Variants in NRG1 observed in about 807,000 individuals in gnomAD.
The protein encoded by NRG1 is pro-neuregulin-1, membrane-bound isoform.
NRG1 carries 18 observed loss-of-function variants against 63.8 expected under a neutral mutation model. The ratio of observed to expected loss-of-function variants is 0.28; its 90% CI spans 0.19 to 0.42. The LOEUF (loss-of-function observed/expected upper bound fraction) is 0.42. Ranked by LOEUF, NRG1 falls within the 10% of genes least tolerant of loss-of-function variation. The pLI is 1.00. For missense variants in NRG1, 762 were observed against 814.7 expected (o/e 0.94, Z 0.79); for synonymous variants, 302 against 301.3 (o/e 1.00, Z -0.02).
chr8:32,295,863 G>A (rs1417934559), intron 1 of NRG1, among the ~76,000 whole-genome samples: 2 of 151,422 alleles, frequency 1.3e-5, no homozygotes, highest in Non-Finnish European at 2.9e-5. Context: ...CTTGAACCCG[G>A]GAGGCGGAGG....
Position 31,901,006 on chromosome 8 carries a change from T to C in NRG1, c.37+261575T>C, listed in dbSNP as rs528013480. The stretch of plus-strand genomic sequence containing the variant: ...TCCCAAATACAATTTCTCTTTTTTT[T>C]CCCAGAAATTTCAAAGGTTTTAGAA... On this transcript the variant is annotated intron_variant, in intron 1 of 10. Coordinates refer to the NRG1 transcript ENST00000519301. 3.9e-5 allele frequency among the ~76,000 whole-genome samples: 6 copies of C among 152,332 alleles called. 1 individual carries two copies. In the South Asian group the frequency reaches 1.2e-3, roughly 32 times the overall value.
At chr8:32,338,009 T>A (rs1373542866) in intron 1 of NRG1, among the ~76,000 whole-genome samples, 1 of 152,188 alleles carries the variant, frequency 6.6e-6, no homozygotes, top group Non-Finnish European at 1.5e-5. Context: ...TTGCTCCTAA[T>A]AGACTTGGAA....
At chr8:32,159,465 C>A (rs908709457) in intron 1 of NRG1, among the ~76,000 whole-genome samples, 1 of 143,968 alleles carries the variant, frequency 6.9e-6, no homozygotes, top group Non-Finnish European at 1.5e-5. Flanking sequence ...ACCCAGGAAG[C>A]GGTGCTTGCA....
chr8:32,669,226 A>G (rs1804999451), intron 5 of NRG1, among the ~76,000 whole-genome samples: 1 of 152,216 alleles, frequency 6.6e-6, no homozygotes, highest in Non-Finnish European at 1.5e-5. Context: ...AAAAAATGCA[A>G]ATAGCAAAAG....
chr8:32,548,630 C>A (rs7834206), exon 1 of NRG1: 632,193 of 1,443,660 alleles, frequency 0.44, 142,735 homozygotes, highest in Admixed American at 0.51. Context: ...CGCTCTCCCC[C>A]TCGAGGGACA....
At chr8:32,577,539 GA>G (rs1563688705) in intron 1 of NRG1, among the ~76,000 whole-genome samples, 1 of 152,092 alleles carries the variant, frequency 6.6e-6, no homozygotes, top group African/African-American at 2.4e-5. Context: ...GAGGCTTCTG[GA>G]AAAAGTAGGG....
chr8:32,153,713 TG>T (rs758881256), intron 1 of NRG1, among the ~76,000 whole-genome samples: 4 of 152,206 alleles, frequency 2.6e-5, no homozygotes, highest in Admixed American at 1.3e-4. Flanking sequence ...CATACATTCC[TG>T]GTATCTCAGA....
chr8:32,212,080 G>A (rs1844758456), intron 1 of NRG1, among the ~76,000 whole-genome samples: 1 of 151,920 alleles, frequency 6.6e-6, no homozygotes, highest in Non-Finnish European at 1.5e-5. Flanking sequence ...TTTAACACAG[G>A]GATATTAGGT....
intron 1 of NRG1, among the ~76,000 whole-genome samples, chr8:31,933,210 C>T (rs1260680877): frequency 6.6e-6 from 1 of 151,808 alleles, no homozygotes; most frequent in African/African-American, 2.4e-5. Context: ...TTATAAATCT[C>T]ACAATAATGC....
rs918207103 is a variant in NRG1 at position 32,011,265 on chromosome 8, C to T, written c.37+371834C>T. Among the ~76,000 whole-genome samples, 3 of 152,076 alleles carry T rather than the reference C, an allele frequency of 2.0e-5. No individual in the cohort carries two copies. In the East Asian group the frequency reaches 5.8e-4, roughly 29 times the overall value. ...GTATTTTTCAAATGAGGACCACAAACATTCAAGTATTAGGTTTTCTTACAA... is the reference window on the plus strand; with the variant it reads ...GTATTTTTCAAATGAGGACCACAAATATTCAAGTATTAGGTTTTCTTACAA... On this transcript the variant is annotated intron_variant, in intron 1 of 10. Coordinates refer to the NRG1 transcript ENST00000519301.
At chr8:31,814,052 T>C (rs985077196) in intron 1 of NRG1, among the ~76,000 whole-genome samples, 1 of 152,176 alleles carries the variant, frequency 6.6e-6, no homozygotes, top group Non-Finnish European at 1.5e-5. Flanking sequence ...CAGCACCTGA[T>C]CTTTATTGCC....
chr8:32,153,260 A>G (rs1401651753), intron 1 of NRG1, among the ~76,000 whole-genome samples: 2 of 152,112 alleles, frequency 1.3e-5, no homozygotes, highest in African/African-American at 4.8e-5. Context: ...AGAAGAAGCA[A>G]TCCCAGGAGG....
intron 2 of NRG1, among the ~76,000 whole-genome samples, chr8:32,604,968 T>G (rs186728415): frequency 6.6e-6 from 1 of 152,278 alleles, no homozygotes; most frequent in East Asian, 1.9e-4. Context: ...ATTAAGAACC[T>G]TTCATGTGGT....
At chr8:31,716,782 G>A (rs1349977817) in intron 1 of NRG1, among the ~76,000 whole-genome samples, 1 of 152,178 alleles carries the variant, frequency 6.6e-6, no homozygotes, top group Non-Finnish European at 1.5e-5. Flanking sequence ...AAGTCTTGGA[G>A]AGTGGCAAGT....
At chr8:32,240,850 C>A (rs1333754482) in intron 1 of NRG1, among the ~76,000 whole-genome samples, 5 of 151,834 alleles carry the variant, frequency 3.3e-5, no homozygotes, top group African/African-American at 1.2e-4. Flanking sequence ...GAGATTTAAT[C>A]AATTATATGA....
chr8:32,595,196 T>A lies in NRG1; in HGVS notation c.101-632T>A, dbSNP rs565583547. ...CTCCTTTTTATTTTTTATTTTTTTT[T>A]AATTTCTTTTTGAAACAGAATCTCA... On this transcript the variant is annotated intron_variant, in intron 1 of 11. Coordinates refer to ENST00000356819, the Ensembl canonical transcript of NRG1. 1.0e-3 allele frequency among the ~76,000 whole-genome samples: 159 copies of A among 152,246 alleles called. 1 individual carries two copies. Among genetic ancestry groups the A allele is most frequent in the African/African-American group, 3.5e-3 (146 of 41,540 alleles).
chr8:32,341,982 C>T (rs1309719617), intron 1 of NRG1, among the ~76,000 whole-genome samples: 2 of 152,064 alleles, frequency 1.3e-5, no homozygotes, highest in Admixed American at 6.5e-5. Flanking sequence ...ATCAAAAAGG[C>T]TTGAAAGCAG....
intron 1 of NRG1, among the ~76,000 whole-genome samples, chr8:32,381,419 G>A (rs2129483351): frequency 6.6e-6 from 1 of 152,310 alleles, no homozygotes; most frequent in East Asian, 1.9e-4. Flanking sequence ...TGGAATATAA[G>A]CTTCACGAGG....
intron 5 of NRG1, among the ~76,000 whole-genome samples, chr8:32,619,322 G>A (rs1469939704): frequency 6.6e-6 from 1 of 152,228 alleles, no homozygotes; most frequent in Non-Finnish European, 1.5e-5. Flanking sequence ...CATGTGCCGT[G>A]TAGGGGACCA....
Sources: allele counts gnomAD v4.1 joint callset (sites outside exome capture counted in the v4.1 genomes callset), GRCh38; gene constraint gnomAD v4.1.1; transcripts MANE v1.5; gene names NCBI Gene and HGNC (gene_info 2026-07-23, HGNC 2026-07-21).